Variants in DPF3 observed in about 807,000 individuals in gnomAD.
DPF3 encodes the protein zinc finger protein DPF3.
In DPF3, 18 loss-of-function variants were observed where a neutral mutation model predicts 56.8. The observed-to-expected ratio is 0.32, with a 90% CI of 0.22 to 0.47. DPF3 has a LOEUF of 0.47. Among genes scored for constraint, DPF3 ranks in the 20% least tolerant of loss-of-function variants. The pLI, the probability that DPF3 is intolerant of heterozygous loss-of-function variation, is 1.00. For missense variants in DPF3, 403 were observed against 488.8 expected (o/e 0.82, Z 1.65); for synonymous variants, 188 against 180.2 (o/e 1.04, Z -0.35).
At chr14:72,665,269 C>A (rs1044158217) in intron 8 of DPF3, among the ~76,000 whole-genome samples, 1 of 152,198 alleles carries the variant, frequency 6.6e-6, no homozygotes, top group African/African-American at 2.4e-5. Context: ...CCAATAAATT[C>A]ATTGCCCCAT....
chr14:72,767,760 C>CAAAAAAAAAAAAAA (rs372452441), intron 2 of DPF3, among the ~76,000 whole-genome samples: 1 of 72,520 alleles, frequency 1.4e-5, no homozygotes, highest in Non-Finnish European at 2.6e-5. Context: ...CCAAATTTGG[C>CAAAAAAAAAAAAAA]AAAAAAAAAA....
At chr14:72,864,196 C>T (rs1251083078) in intron 1 of DPF3, among the ~76,000 whole-genome samples, 1 of 151,072 alleles carries the variant, frequency 6.6e-6, no homozygotes, top group Admixed American at 6.6e-5. Flanking sequence ...GGGCACAGGG[C>T]ATCACCTGCT....
chr14:72,804,558 C>G (rs745600171), intron 1 of DPF3, among the ~76,000 whole-genome samples: 1 of 152,112 alleles, frequency 6.6e-6, no homozygotes, highest in Non-Finnish European at 1.5e-5. Flanking sequence ...AAGCACAAGG[C>G]CTTCTTTCAT....
intron 6 of DPF3, among the ~76,000 whole-genome samples, chr14:72,712,486 TG>T (rs1888696388): frequency 6.6e-6 from 1 of 152,170 alleles, no homozygotes; most frequent in Non-Finnish European, 1.5e-5. Flanking sequence ...TATGATGGGC[TG>T]GGAATCCAAT....
At chr14:72,854,549 C>G (rs1885106711) in intron 1 of DPF3, among the ~76,000 whole-genome samples, 1 of 152,064 alleles carries the variant, frequency 6.6e-6, no homozygotes, top group Non-Finnish European at 1.5e-5. Context: ...AAAATAAAAA[C>G]AGGTTGAAGT....
chr14:72,731,623 C>T, intron 4 of DPF3, 184 bp downstream of exon 4: 1 of 750,222 alleles, frequency 1.3e-6, no homozygotes, highest in Non-Finnish European at 2.1e-6. Flanking sequence ...AATAATGACT[C>T]CTTCGGAAGA....
At chr14:72,853,869 T>A (rs1885080158) in intron 1 of DPF3, among the ~76,000 whole-genome samples, 1 of 152,172 alleles carries the variant, frequency 6.6e-6, no homozygotes, top group African/African-American at 2.4e-5. Context: ...GGACAATATC[T>A]TCAAACCCAC....
At chr14:72,678,126 A>G (rs1388078501) in intron 7 of DPF3, among the ~76,000 whole-genome samples, 3 of 152,148 alleles carry the variant, frequency 2.0e-5, no homozygotes, top group African/African-American at 7.2e-5. Flanking sequence ...CTGAAATCCA[A>G]AGAGATTAAA....
At chr14:72,689,585 G>A (rs908017461) in intron 7 of DPF3, among the ~76,000 whole-genome samples, 1 of 152,168 alleles carries the variant, frequency 6.6e-6, no homozygotes, top group African/African-American at 2.4e-5. Context: ...GGGCAGGATG[G>A]ATGGGAGCCA....
chr14:72,660,787 G>T (rs568116899), intron 8 of DPF3, among the ~76,000 whole-genome samples: 1 of 152,294 alleles, frequency 6.6e-6, no homozygotes, highest in African/African-American at 2.4e-5. Context: ...TGGGGGAGTG[G>T]GTGACAGCAA....
At chr14:72,864,674 A>G (rs1299859116) in intron 1 of DPF3, among the ~76,000 whole-genome samples, 1 of 123,018 alleles carries the variant, frequency 8.1e-6, no homozygotes, top group Non-Finnish European at 1.7e-5. Context: ...TAATTAGCGG[A>G]TGGATGGATG....
At chr14:72,641,438 G>A (rs973989159) in intron 8 of DPF3, among the ~76,000 whole-genome samples, 10 of 152,304 alleles carry the variant, frequency 6.6e-5, no homozygotes, top group East Asian at 1.9e-4. Flanking sequence ...TCCTTCCCCC[G>A]GCGATGAATC....
rs77251544 is a variant in DPF3 at position 72,777,529 on chromosome 14, T to C, written c.33-5636A>G. On this transcript the variant is annotated intron_variant, in intron 1 of 10. Coordinates refer to ENST00000556509, the MANE Select transcript of DPF3 (RefSeq NM_001280542.3). ...CCCTCAATGTGATGGTGTTTGGAGATGGAGCATTTGGGAGGTGATATCATT... is the reference window on the plus strand; with the variant it reads ...CCCTCAATGTGATGGTGTTTGGAGACGGAGCATTTGGGAGGTGATATCATT... 7.6e-3 allele frequency among the ~76,000 whole-genome samples: 1,160 copies of C among 152,320 alleles called. 5 individuals are homozygous for C. The highest frequency in any genetic ancestry group is 0.013 in the Non-Finnish European group (909 of 68,018).
chr14:72,830,757 C>G (rs1599479969), intron 1 of DPF3, among the ~76,000 whole-genome samples: 1 of 152,190 alleles, frequency 6.6e-6, no homozygotes, highest in Non-Finnish European at 1.5e-5. Flanking sequence ...GGACCTTACA[C>G]ATAATATAGT....
At chr14:72,694,262 T>C (rs1887818348) in intron 6 of DPF3, among the ~76,000 whole-genome samples, 1 of 152,234 alleles carries the variant, frequency 6.6e-6, no homozygotes, top group South Asian at 2.1e-4. Flanking sequence ...GAAATGTCCA[T>C]GCCAACCTTC....
chr14:72,779,342 G>A (rs1891876587), intron 1 of DPF3, among the ~76,000 whole-genome samples: 2 of 152,164 alleles, frequency 1.3e-5, no homozygotes, highest in Non-Finnish European at 2.9e-5. Flanking sequence ...TGCAGCACTG[G>A]GTGGCCTAAC....
intron 1 of DPF3, among the ~76,000 whole-genome samples, chr14:72,861,586 T>C (rs1445959514): frequency 6.6e-6 from 1 of 152,042 alleles, no homozygotes; most frequent in Admixed American, 6.6e-5. Flanking sequence ...GAGTGCTTGA[T>C]CATGGAAAAC....
rs1384647892 is a variant in DPF3, at chr14:72,615,942, C to T, written c.*3355G>A. On this transcript the variant is annotated 3_prime_UTR_variant, in exon 11 of 11. Transcript: ENST00000556509. ...TCACCTCTCTGGTTTGCTGGAGCCA[C>T]AGTACAGAGGGGTGAAGCCCAGCAA... 2.0e-5 allele frequency among the ~76,000 whole-genome samples: 3 copies of T among 152,236 alleles called. No homozygotes were observed. Among genetic ancestry groups the T allele is most frequent in the Non-Finnish European group, 4.4e-5 (3 of 68,042 alleles).
intron 8 of DPF3, among the ~76,000 whole-genome samples, chr14:72,663,074 A>G (rs1003391639): frequency 6.7e-6 from 1 of 148,940 alleles, no homozygotes; most frequent in South Asian, 2.2e-4. Context: ...AGCCAGGAAT[A>G]GGGCAGGTCA....
Sources: allele counts gnomAD v4.1 joint callset (sites outside exome capture counted in the v4.1 genomes callset), GRCh38; gene constraint gnomAD v4.1.1; transcripts MANE v1.5; gene names NCBI Gene and HGNC (gene_info 2026-07-23, HGNC 2026-07-21).